Variants in ABCE1 observed in about 807,000 individuals in gnomAD.
ABCE1 encodes the protein ATP binding cassette subfamily E member 1, also known as ATP-binding cassette sub-family E member 1.
ABCE1 carries 22 observed loss-of-function variants against 83.4 expected under a neutral mutation model. The ratio of observed to expected loss-of-function variants is 0.26; its 90% confidence interval spans 0.19 to 0.38. ABCE1 has a LOEUF of 0.38. Ranked by LOEUF, ABCE1 falls within the 10% of genes least tolerant of loss-of-function variation. The probability of loss-of-function intolerance (pLI) is 1.00; values close to 1 mark genes in which losing one functional copy is unlikely to be tolerated. For missense variants in ABCE1, 330 were observed against 721.9 expected, an observed-to-expected ratio of 0.46 and a Z score of 6.22; for synonymous variants, 204 against 233.7, an observed-to-expected ratio of 0.87 and a Z score of 1.16.
intron 15 of ABCE1, 40 bp from the exon 16 acceptor site, chr4:145,123,438 T>A (rs1343739397): frequency 6.3e-7 from 1 of 1,590,666 alleles, no homozygotes; most frequent in Admixed American, 1.7e-5. Context: ...GAATGTTTTA[T>A]GATAGAAAGC....
intron 1 of ABCE1, among the ~76,000 whole-genome samples, chr4:145,100,334 C>CA (rs1278358123): frequency 6.6e-6 from 1 of 152,182 alleles, no homozygotes; most frequent in Non-Finnish European, 1.5e-5. Flanking sequence ...GACACCATAG[C>CA]AAGATCCCTG....
intron 8 of ABCE1, 45 bp downstream of exon 8, chr4:145,111,109 A>T (rs1465667150): frequency 1.5e-6 from 2 of 1,335,570 alleles, no homozygotes; most frequent in Non-Finnish European, 2.1e-6. Context: ...CGTATTGTAG[A>T]GTTTTCAGTT....
chr4:145,101,038 A>G (rs1749136988), intron 1 of ABCE1, among the ~76,000 whole-genome samples: 1 of 151,914 alleles, frequency 6.6e-6, no homozygotes, highest in African/African-American at 2.4e-5. Flanking sequence ...CACCCACGAT[A>G]GATGTGTGCA....
intron 9 of ABCE1, among the ~76,000 whole-genome samples, chr4:145,116,890 A>G (rs1461576510): frequency 1.3e-5 from 2 of 152,024 alleles, no homozygotes; most frequent in African/African-American, 2.4e-5. Flanking sequence ...ATTCTGTCCT[A>G]TCTTTGTGTA....
chr4:145,125,181 A>C, intron 17 of ABCE1, 80 bp downstream of exon 17: 3 of 1,075,038 alleles, frequency 2.8e-6, no homozygotes, highest in East Asian at 2.5e-5. Flanking sequence ...AATCAATAAC[A>C]TATGGCTGGG....
chr4:145,129,044 AG>A lies in ABCE1; in HGVS notation c.*1474del, dbSNP rs1415041487. 3.1e-4 allele frequency: 47 copies of A among 152,288 alleles called. No individual in the cohort carries two copies. Among genetic ancestry groups the A allele is most frequent in the African/African-American group, 9.9e-4 (41 of 41,574 alleles). 9.4% of individuals were successfully genotyped at this position (152,288 alleles called of 1,614,324 possible). A position where few individuals can be genotyped will look rare whatever the true frequency, so the allele number is the denominator to read the frequency against. ...CACTTACCTAAGTGTGAATATGTAAAGGGTTTGTTTTGTATACAAATGGGAT... is the reference window on the plus strand; with the variant it reads ...CACTTACCTAAGTGTGAATATGTAAAGGTTTGTTTTGTATACAAATGGGAT... On this transcript the variant is annotated 3_prime_UTR_variant, in exon 18 of 18. Transcript: ENST00000296577.
In ABCE1 at chr4:145,122,513, G is replaced by GA. The variant is rs112631489; in HGVS notation, c.1264-496dup. 1,031 of 144,548 alleles carry GA rather than the reference G, an allele frequency of 7.1e-3. 12 individuals carry two copies. Among genetic ancestry groups the GA allele is most frequent in the African/African-American group, 0.024 (937 of 39,650 alleles). 9.0% of individuals were successfully genotyped at this position (144,548 alleles called of 1,614,324 possible). On this transcript the variant is annotated intron_variant, in intron 13 of 17. Coordinates refer to ENST00000296577, the MANE Select transcript of ABCE1 (RefSeq NM_002940.3). ...AAATTATTGCAGGGGCTGTGGAGTG[G>GA]AAAAAAAAAAAAGATTGTTGCAGGC...
chr4:145,127,776 G>T lies in ABCE1; in HGVS notation c.*203G>T. The T allele has an allele frequency of 4.7e-6, 2 of 427,342 alleles. No individual in the cohort carries two copies. Among genetic ancestry groups the T allele is most frequent in the Non-Finnish European group, 8.2e-6 (2 of 245,082 alleles). The allele number at this position is 427,342 out of a possible 1,614,324, so 26.5% of individuals were successfully genotyped here. On this transcript the variant is annotated 3_prime_UTR_variant, in exon 18 of 18. Transcript: ENST00000296577. ...ATGCCACTTTTCTGTTCCTGAAGAG[G>T]CTCTTTTGTGCATAATATTCTAAAA...
intron 2 of ABCE1, 78 bp downstream of exon 2, chr4:145,104,593 C>T: frequency 1.1e-6 from 1 of 927,826 alleles, no homozygotes; most frequent in Non-Finnish European, 1.5e-6. Context: ...TCTTTACGGA[C>T]ATTAACATAA....
At chr4:145,126,866 T>C (rs763404602) in intron 17 of ABCE1, among the ~76,000 whole-genome samples, 1 of 152,112 alleles carries the variant, frequency 6.6e-6, no homozygotes, top group African/African-American at 2.4e-5. Flanking sequence ...TTGGCCAGGA[T>C]AGAGAAATGG....
Position 145,123,517 on chromosome 4 carries a change from A to G in ABCE1, c.1557A>G (p.Glu519=). 6.2e-7 allele frequency: 1 copy of G among 1,605,206 alleles called. No individual in the cohort carries two copies. ...LHAKKTAFVV[E]HDFIMATYLA... Reference sequence around the variant, plus strand: ...CAAAAAAGACAGCCTTTGTTGTGGAACATGACTTCATCATGGCCACCTATC... The same window carrying G: ...CAAAAAAGACAGCCTTTGTTGTGGAGCATGACTTCATCATGGCCACCTATC... The change falls in exon 16 of 18, where the codon GAA becomes GAG. Residue 519 remains glutamate, a synonymous_variant. Transcript: ENST00000296577.
At chr4:145,103,571 T>G (rs1195135618) in intron 1 of ABCE1, among the ~76,000 whole-genome samples, 2 of 152,216 alleles carry the variant, frequency 1.3e-5, no homozygotes, top group Non-Finnish European at 2.9e-5. Flanking sequence ...CCTTTTAATT[T>G]CATTGCTATT....
At chr4:145,111,268 G>A (rs58570927) in intron 8 of ABCE1, 1 of 431,156 alleles carries the variant, frequency 2.3e-6, no homozygotes, top group Non-Finnish European at 4.1e-6. Flanking sequence ...TATTTATTTA[G>A]ATAGTTTATA....
At position 145,112,291 on chromosome 4, in the gene ABCE1, G is replaced by T; in HGVS notation, c.763G>T (p.Ala255Ser). 1 of 1,597,794 alleles carries T rather than the reference G, an allele frequency of 6.3e-7. No individual in the cohort carries two copies. Among genetic ancestry groups the T allele is most frequent in the Non-Finnish European group, 8.5e-7 (1 of 1,174,506 alleles). Reference protein sequence around the residue: ...SYLDVKQRLKAAITIRSLINP... With the variant: ...SYLDVKQRLKSAITIRSLINP... ...CCTAGATGTCAAGCAGCGTTTAAAG[G>T]CTGCTATTACTATACGATCTCTAAT... is the stretch of plus-strand genomic sequence containing the variant. The change falls in exon 9 of 18, where the codon GCT becomes TCT. Residue 255 changes from alanine to serine, a missense_variant. Transcript: ENST00000296577.
chr4:145,112,216 C>CTTTTTTTTTTTT, intron 8 of ABCE1, 23 bp from the exon 9 acceptor site: 6 of 1,130,232 alleles, frequency 5.3e-6, no homozygotes, highest in South Asian at 1.6e-5. Flanking sequence ...CTTATATTTG[C>CTTTTTTTTTTTT]TTTTTTTTTT....
chr4:145,113,825 T>TA, intron 9 of ABCE1, among the ~76,000 whole-genome samples: 1 of 152,176 alleles, frequency 6.6e-6, no homozygotes, highest in East Asian at 1.9e-4. Flanking sequence ...TTAGATGGGT[T>TA]AGGGACAGCA....
chr4:145,123,707 C>G (rs543358946), intron 16 of ABCE1, 107 bp downstream of exon 16: 74 of 1,165,476 alleles, frequency 6.3e-5, no homozygotes, highest in East Asian at 3.8e-4. Context: ...AAATTCTAGA[C>G]TTGATTCTGT....
Position 145,118,331 on chromosome 4 carries a change from A to G in ABCE1, c.922+917A>G, listed in dbSNP as rs369068603. ...TGGAAAAATAAATTTATATTGCATT[A>G]TAATCCTTTTCATAAAAAGATATTG... is the stretch of plus-strand genomic sequence containing the variant. On this transcript the variant is annotated intron_variant, in intron 10 of 17. Transcript: ENST00000296577. Among the ~76,000 whole-genome samples, 31 of 150,322 alleles carry G rather than the reference A, an allele frequency of 2.1e-4. No individual in the cohort carries two copies. The East Asian group carries it at 2.7e-3, about 13-fold the overall frequency.
rs182271695 is a variant in ABCE1 at position 145,111,118 on chromosome 4, T to C, written c.710+54T>C. On this transcript the variant is annotated intron_variant, in intron 8 of 17. Coordinates refer to ENST00000296577, the MANE Select transcript of ABCE1 (RefSeq NM_002940.3). ...TTCATCCGTATTGTAGAGTTTTCAG[T>C]TGTGATGCTGCTAATAGAGGAATGG... The C allele has an allele frequency of 4.8e-5, 57 of 1,181,712 alleles. No homozygotes were observed. In the Admixed American group the frequency reaches 1.2e-3, roughly 24 times the overall value. 73.2% of individuals were successfully genotyped at this position (1,181,712 alleles called of 1,614,324 possible).
Sources: gnomAD v4.1 joint callset for allele counts (sites outside exome capture counted in the v4.1 genomes callset) on GRCh38, gnomAD v4.1.1 for gene constraint, MANE v1.5 for transcripts, NCBI Gene and HGNC (gene_info 2026-07-23, HGNC 2026-07-21) for gene names.